ANK3: variants seen among roughly 807,000 people sequenced by gnomAD.
ANK3 encodes the protein ankyrin-3.
A neutral mutation model predicts 370.9 loss-of-function variants in ANK3; 57 were observed. The observed-to-expected ratio is 0.15, with a 90% CI of 0.12 to 0.19. The LOEUF (loss-of-function observed/expected upper bound fraction) is 0.19, where lower values mean the gene tolerates loss of function less well. Among genes scored for constraint, ANK3 ranks in the 10% least tolerant of loss-of-function variants. ANK3 has a pLI of 1.00. For missense variants in ANK3, 4,439 were observed against 5,302.1 expected, an observed-to-expected ratio of 0.84 and a Z score of 5.06; for synonymous variants, 1,929 against 1,946.3, an observed-to-expected ratio of 0.99 and a Z score of 0.23.
rs1200422343 is a variant in ANK3, at chr10:60,264,125, T to C, written c.514-105A>G. 3.1e-6 allele frequency: 3 copies of C among 981,630 alleles called. No individual in the cohort carries two copies. The East Asian group carries it at 7.9e-5, about 26-fold the overall frequency. 60.8% of individuals were successfully genotyped at this position (981,630 alleles called of 1,614,324 possible). A position where few individuals can be genotyped will look rare whatever the true frequency, so the allele number is the denominator to read the frequency against. On this transcript the variant is annotated intron_variant, in intron 5 of 43. Coordinates refer to ENST00000280772, the MANE Select transcript of ANK3 (RefSeq NM_020987.5). ...AAGTGACCAAGCATCAATTTTTGTT[T>C]GGGATTATTAAAACTAACAACATAT...
intron 1 of ANK3, among the ~76,000 whole-genome samples, chr10:60,355,762 C>T (rs1319651841): frequency 6.6e-6 from 1 of 152,128 alleles, no homozygotes. Flanking sequence ...TCTTAATGTG[C>T]CTACAATTAG....
chr10:60,547,624 C>T (rs1055228362), intron 2 of ANK3, among the ~76,000 whole-genome samples: 7 of 148,468 alleles, frequency 4.7e-5, no homozygotes, highest in African/African-American at 1.7e-4. Flanking sequence ...ATCCACCTGC[C>T]TTGTCAGGGG....
intron 28 of ANK3, among the ~76,000 whole-genome samples, chr10:60,101,824 G>A (rs183028617): frequency 6.6e-6 from 1 of 152,086 alleles, no homozygotes; most frequent in East Asian, 1.9e-4. Flanking sequence ...CATATTTTTT[G>A]TGTCATACAA....
At chr10:60,560,120 T>TAA (rs2077301253) in intron 2 of ANK3, among the ~76,000 whole-genome samples, 1 of 152,114 alleles carries the variant, frequency 6.6e-6, no homozygotes, top group African/African-American at 2.4e-5. Flanking sequence ...AACTTATATA[T>TAA]AATATCTAGA....
At chr10:60,701,093 T>C (rs893136247) in intron 1 of ANK3, among the ~76,000 whole-genome samples, 3 of 152,056 alleles carry the variant, frequency 2.0e-5, no homozygotes, top group African/African-American at 7.2e-5. Context: ...TTGTTTAAAA[T>C]GGTCTAAAGA....
At chr10:60,713,710 T>C (rs1808895) in intron 1 of ANK3, among the ~76,000 whole-genome samples, 102,226 of 151,812 alleles carry the variant, frequency 0.67, 34,524 homozygotes, top group South Asian at 0.83. Context: ...GCCAACATTG[T>C]AAAACCCCAT....
chr10:60,119,971 G>C (rs1241312624), intron 25 of ANK3, among the ~76,000 whole-genome samples: 32 of 151,896 alleles, frequency 2.1e-4, no homozygotes. Context: ...ATCCTAAAAT[G>C]TATGTGGAAC....
In ANK3 at chr10:60,083,585, A is replaced by C. The variant is rs1288955555; in HGVS notation, c.4107T>G (p.Cys1369Trp). The C allele has an allele frequency of 1.2e-6, 2 of 1,610,012 alleles. No homozygotes were observed. The highest frequency in any genetic ancestry group is 1.7e-6 in the Non-Finnish European group (2 of 1,177,654). The change falls in exon 33 of 44, where the codon TGT becomes TGG. Residue 1369 changes from cysteine (C) to tryptophan (W), a missense_variant. Transcript: ENST00000280772. ...TGGTAAGTGGGGCCAAATTTCCATA[A>C]CAATCAACATAAATAGGTTTTCCTT... ...VLEGKPIYVD[C>W]YGNLAPLTKG...
At chr10:60,154,324 A>G (rs188641904) in intron 23 of ANK3, among the ~76,000 whole-genome samples, 5 of 152,342 alleles carry the variant, frequency 3.3e-5, no homozygotes, top group Admixed American at 3.3e-4. Flanking sequence ...AGCTAATAAC[A>G]TAACAGTCCT....
chr10:60,063,274 G>T lies in ANK3; in HGVS notation c.12452-20C>A, dbSNP rs1021881520. The T allele has an allele frequency of 6.3e-7, 1 of 1,594,856 alleles. No individual in the cohort carries two copies. The highest frequency in any genetic ancestry group is 1.1e-5 in the South Asian group (1 of 87,424). Reference sequence around the variant, plus strand: ...CATCAGCTGAAAAGGAGAAAAAAAGGTTGAAAACCCAATTAAATTATGTTC... The same window carrying T: ...CATCAGCTGAAAAGGAGAAAAAAAGTTTGAAAACCCAATTAAATTATGTTC... On this transcript the variant is annotated intron_variant, in intron 39 of 43. Transcript: ENST00000280772.
intron 34 of ANK3, 93 bp from the exon 35 acceptor site, chr10:60,082,269 G>A (rs1384841332): frequency 3.6e-6 from 4 of 1,100,592 alleles, no homozygotes; most frequent in African/African-American, 1.6e-5. Flanking sequence ...TGAGTAGGGA[G>A]CACAAATGCA....
chr10:60,651,402 CAG>C (rs2078787864), intron 1 of ANK3, among the ~76,000 whole-genome samples: 2 of 152,184 alleles, frequency 1.3e-5, no homozygotes, highest in African/African-American at 4.8e-5. Context: ...TCAAAACTAA[CAG>C]AGCTCCTCAC....
chr10:60,558,200 T>C (rs2077254082), intron 2 of ANK3, among the ~76,000 whole-genome samples: 1 of 152,194 alleles, frequency 6.6e-6, no homozygotes, highest in African/African-American at 2.4e-5. Context: ...ACAAGTATCA[T>C]CTCATTCAAC....
intron 8 of ANK3, among the ~76,000 whole-genome samples, chr10:60,224,102 G>A (rs1280122219): frequency 6.9e-6 from 1 of 144,704 alleles, no homozygotes; most frequent in Non-Finnish European, 1.5e-5. Flanking sequence ...GCTAGACAAA[G>A]GCAATTTCGG....
upstream of ANK3, among the ~76,000 whole-genome samples, chr10:60,391,458 G>A (rs2063092807): frequency 6.6e-6 from 1 of 152,202 alleles, no homozygotes; most frequent in South Asian, 2.1e-4. Flanking sequence ...ATATTTTACT[G>A]TATTAGTAAC....
At chr10:60,244,002 T>C (rs1009521502) in intron 7 of ANK3, among the ~76,000 whole-genome samples, 9 of 152,180 alleles carry the variant, frequency 5.9e-5, no homozygotes, top group Admixed American at 5.2e-4. Context: ...ATCTACATGA[T>C]AGAATATGAT....
intron 1 of ANK3, among the ~76,000 whole-genome samples, chr10:60,324,821 T>C (rs1214708876): frequency 6.6e-6 from 1 of 152,192 alleles, no homozygotes; most frequent in Non-Finnish European, 1.5e-5. Context: ...TTGTGTTTAT[T>C]GTGGCCACTG....
chr10:60,050,011 A>G (rs1279769283), intron 42 of ANK3, among the ~76,000 whole-genome samples: 1 of 152,198 alleles, frequency 6.6e-6, no homozygotes. Context: ...TGTTAAGCAT[A>G]AAAGACAAGT....
At chr10:60,412,007 C>G (rs1415743081) in intron 2 of ANK3, among the ~76,000 whole-genome samples, 1 of 152,050 alleles carries the variant, frequency 6.6e-6, no homozygotes, top group Non-Finnish European at 1.5e-5. Flanking sequence ...GGCTTATGAA[C>G]ACCATAGAAG....
Sources: allele counts gnomAD v4.1 joint callset (sites outside exome capture counted in the v4.1 genomes callset), GRCh38; gene constraint gnomAD v4.1.1; transcripts MANE v1.5; gene names NCBI Gene and HGNC (gene_info 2026-07-23, HGNC 2026-07-21).